Variants in CHCHD3 observed in about 807,000 individuals in gnomAD.
The protein encoded by CHCHD3 is MICOS complex subunit MIC19.
Under a neutral mutation model 38.2 loss-of-function variants are expected in CHCHD3, and 20 were observed. The observed-to-expected ratio is 0.52, with a 90% CI of 0.37 to 0.76. The LOEUF (loss-of-function observed/expected upper bound fraction) is 0.76, where lower values mean the gene tolerates loss of function less well. Ranked by LOEUF, CHCHD3 falls within the 30% of genes least tolerant of loss-of-function variation. The probability of loss-of-function intolerance (pLI) is 0.00; values close to 1 mark genes in which losing one functional copy is unlikely to be tolerated. For synonymous variants in CHCHD3, 82 were observed against 100.0 expected, an observed-to-expected ratio of 0.82 and a Z score of 1.07; for missense variants, 245 against 279.2, an observed-to-expected ratio of 0.88 and a Z score of 0.87.
intron 2 of CHCHD3, among the ~76,000 whole-genome samples, chr7:133,039,021 A>ATC (rs1813756333): frequency 6.6e-6 from 1 of 152,230 alleles, no homozygotes; most frequent in East Asian, 1.9e-4. Context: ...AAACGCATAT[A>ATC]AAGTTTAGCT....
At chr7:132,985,154 T>A (rs1209000476) in intron 3 of CHCHD3, among the ~76,000 whole-genome samples, 145 of 48,878 alleles carry the variant, frequency 3.0e-3, no homozygotes, top group East Asian at 5.1e-3. Context: ...TACTGGGAAG[T>A]GAGGAGTCCC....
intron 3 of CHCHD3, among the ~76,000 whole-genome samples, chr7:132,992,310 C>T (rs147962154): frequency 7.2e-5 from 11 of 152,320 alleles, no homozygotes; most frequent in African/African-American, 2.6e-4. Flanking sequence ...CCTACTGGCA[C>T]ACTCTTGAAA....
intron 3 of CHCHD3, among the ~76,000 whole-genome samples, chr7:133,024,269 A>G (rs2117441834): frequency 6.6e-6 from 1 of 152,298 alleles, no homozygotes; most frequent in South Asian, 2.1e-4. Flanking sequence ...GAGAATACTC[A>G]AAAACTCCTT....
intron 4 of CHCHD3, among the ~76,000 whole-genome samples, chr7:132,899,730 C>A (rs549324120): frequency 6.6e-6 from 1 of 152,326 alleles, no homozygotes; most frequent in Admixed American, 6.5e-5. Flanking sequence ...TCCATTCCAT[C>A]TTGGCAGCTA....
intron 4 of CHCHD3, among the ~76,000 whole-genome samples, chr7:132,927,358 A>G (rs773792804): frequency 9.9e-5 from 15 of 152,192 alleles, no homozygotes; most frequent in Non-Finnish European, 1.9e-4. Context: ...TCCTAACTTA[A>G]CAGCCGTCAA....
chr7:133,035,450 C>T lies in CHCHD3; in HGVS notation c.170-10823G>A. On this transcript the variant is annotated intron_variant, in intron 2 of 7. Coordinates refer to ENST00000262570, the MANE Select transcript of CHCHD3 (RefSeq NM_017812.4). This position sits in a 1 kb window ranked among gnomAD's most constrained non-coding sequence, Gnocchi z 4.7. ...AGACAACTGTGATGTCAGCCAATGT[C>T]ACTCGTTCGCCCACCAGAAAAGTCC... 6.2e-7 allele frequency: 1 copy of T among 1,613,526 alleles called. No individual in the cohort carries two copies. The highest frequency in any genetic ancestry group is 8.5e-7 in the Non-Finnish European group (1 of 1,179,500).
intron 4 of CHCHD3, among the ~76,000 whole-genome samples, chr7:132,947,086 C>T (rs141917802): frequency 1.6e-4 from 24 of 151,824 alleles, no homozygotes; most frequent in African/African-American, 5.1e-4. Context: ...AAGATTACTG[C>T]TTTTTACGGA....
intron 6 of CHCHD3, among the ~76,000 whole-genome samples, chr7:132,797,614 T>C (rs1465302628): frequency 1.3e-5 from 2 of 152,240 alleles, no homozygotes; most frequent in Admixed American, 6.5e-5. Context: ...ATTTACTGAA[T>C]GAATACAAAT....
chr7:132,864,032 A>T (rs1472861257), intron 5 of CHCHD3, among the ~76,000 whole-genome samples: 3 of 152,214 alleles, frequency 2.0e-5, no homozygotes, highest in African/African-American at 7.2e-5. Flanking sequence ...TGTTCACTGG[A>T]GTAGCACTTT....
intron 4 of CHCHD3, among the ~76,000 whole-genome samples, chr7:132,921,380 T>A (rs186209036): frequency 6.6e-6 from 1 of 152,152 alleles, no homozygotes; most frequent in African/African-American, 2.4e-5. Context: ...GGAAATGTAA[T>A]AAAAGCAAGA....
chr7:132,878,765 C>T (rs566179934), intron 5 of CHCHD3, among the ~76,000 whole-genome samples: 1 of 152,222 alleles, frequency 6.6e-6, no homozygotes, highest in Non-Finnish European at 1.5e-5. Context: ...TTTCTGCCTT[C>T]GTGGAACTTC....
At chr7:132,865,389 G>A (rs952165749) in intron 5 of CHCHD3, among the ~76,000 whole-genome samples, 4 of 152,190 alleles carry the variant, frequency 2.6e-5, no homozygotes, top group African/African-American at 9.7e-5. Flanking sequence ...TCACCCCAAG[G>A]TGGTGGTTGG....
chr7:132,835,528 G>A (rs779371455), intron 6 of CHCHD3, among the ~76,000 whole-genome samples: 16 of 152,160 alleles, frequency 1.1e-4, no homozygotes, highest in Non-Finnish European at 2.1e-4. Flanking sequence ...TGATGTCAAC[G>A]TTGTGCTTCC....
chr7:132,982,644 ACTCGT>A (rs1811948009), intron 3 of CHCHD3, among the ~76,000 whole-genome samples: 1 of 152,208 alleles, frequency 6.6e-6, no homozygotes, highest in Non-Finnish European at 1.5e-5. Context: ...TATTATGCTT[ACTCGT>A]ACCAGGTACA....
chr7:133,031,075 AT>A (rs1453779372), intron 2 of CHCHD3, among the ~76,000 whole-genome samples: 6 of 152,182 alleles, frequency 3.9e-5, no homozygotes, highest in Non-Finnish European at 8.8e-5. Flanking sequence ...TGGGCTATAA[AT>A]TTGAGTTCAG....
At chr7:132,858,103 C>G (rs1281040452) in intron 5 of CHCHD3, among the ~76,000 whole-genome samples, 1 of 152,086 alleles carries the variant, frequency 6.6e-6, no homozygotes, top group Non-Finnish European at 1.5e-5. Flanking sequence ...CACTCTGTTG[C>G]CCAGGCTAGA....
intron 6 of CHCHD3, among the ~76,000 whole-genome samples, chr7:132,832,273 A>G (rs1807669794): frequency 6.6e-6 from 1 of 152,168 alleles, no homozygotes; most frequent in Non-Finnish European, 1.5e-5. Flanking sequence ...CTATGAGCCT[A>G]AATTTATAAG....
chr7:132,861,862 T>C (rs1808498529), intron 5 of CHCHD3, among the ~76,000 whole-genome samples: 1 of 152,218 alleles, frequency 6.6e-6, no homozygotes, highest in Admixed American at 6.5e-5. Context: ...AGTTTGCTGA[T>C]GCCTGGTCTA....
At chr7:132,863,330 G>C (rs1042718677) in intron 5 of CHCHD3, among the ~76,000 whole-genome samples, 3 of 152,210 alleles carry the variant, frequency 2.0e-5, no homozygotes, top group African/African-American at 7.2e-5. Context: ...CACTGTCAAT[G>C]AGCAGTAATA....
Sources: gnomAD v4.1 joint callset for allele counts (sites outside exome capture counted in the v4.1 genomes callset) on GRCh38, gnomAD v4.1.1 for gene constraint, Gnocchi (gnomAD v3.1) non-coding constraint, MANE v1.5 for transcripts, NCBI Gene and HGNC (gene_info 2026-07-23, HGNC 2026-07-21) for gene names.